The following CCSER1 variants were observed in gnomAD, a reference collection of about 807,000 sequenced individuals.
CCSER1 encodes coiled-coil serine rich protein 1.
CCSER1 carries 41 observed loss-of-function variants against 82.0 expected under a neutral mutation model. That is an observed-to-expected ratio of 0.50 (90% confidence interval 0.39 to 0.65). The LOEUF is 0.65. Ranked by LOEUF, CCSER1 falls within the 30% of genes least tolerant of loss-of-function variation. The pLI is 0.00. For synonymous variants in CCSER1, 414 were observed against 383.9 expected (o/e 1.08, Z -0.92); for missense variants, 1,119 against 1,064.2 (o/e 1.05, Z -0.72).
chr4:91,125,997 A>G (rs531537268), intron 10 of CCSER1, among the ~76,000 whole-genome samples: 2 of 151,886 alleles, frequency 1.3e-5, no homozygotes, highest in East Asian at 3.9e-4. Context: ...TACTGAATGT[A>G]TATTCCAATA....
At chr4:90,891,122 T>A (rs1466909836) in intron 8 of CCSER1, among the ~76,000 whole-genome samples, 1 of 151,842 alleles carries the variant, frequency 6.6e-6, no homozygotes, top group Non-Finnish European at 1.5e-5. Flanking sequence ...ATGTAATCTA[T>A]TTTGAGAGTG....
At chr4:90,999,097 G>A (rs556478952) in intron 9 of CCSER1, among the ~76,000 whole-genome samples, 7 of 152,278 alleles carry the variant, frequency 4.6e-5, no homozygotes, top group Admixed American at 1.3e-4. Flanking sequence ...ATTCCATGGT[G>A]TATATGTATC....
intron 7 of CCSER1, among the ~76,000 whole-genome samples, chr4:90,783,869 G>C (rs1754130011): frequency 6.6e-6 from 1 of 152,016 alleles, no homozygotes. Flanking sequence ...TAAGATTATA[G>C]AATGTTTTCC....
chr4:90,551,706 C>CTCTCTATATATATATA, intron 5 of CCSER1, among the ~76,000 whole-genome samples: 115 of 104,224 alleles, frequency 1.1e-3, no homozygotes, highest in Admixed American at 3.2e-3. Flanking sequence ...CTCTCTCTCT[C>CTCTCTATATATATATA]TATATATATA....
intron 3 of CCSER1, among the ~76,000 whole-genome samples, chr4:90,381,513 A>G (rs1749209472): frequency 1.3e-5 from 2 of 152,180 alleles, no homozygotes; most frequent in African/African-American, 4.8e-5. Context: ...ACAAATTTAT[A>G]TGTAACTATT....
At chr4:90,969,267 T>C (rs1214253783) in intron 9 of CCSER1, among the ~76,000 whole-genome samples, 1 of 151,932 alleles carries the variant, frequency 6.6e-6, no homozygotes, top group East Asian at 1.9e-4. Flanking sequence ...GTGCCAAATC[T>C]TGAGAGGGAT....
chr4:91,386,581 G>C (rs1452099049), intron 10 of CCSER1, among the ~76,000 whole-genome samples: 1 of 152,020 alleles, frequency 6.6e-6, no homozygotes, highest in Non-Finnish European at 1.5e-5. Flanking sequence ...ATAAGTCTAT[G>C]GGAAATTATG....
chr4:90,455,097 C>A (rs747889413), intron 4 of CCSER1, among the ~76,000 whole-genome samples: 49 of 152,196 alleles, frequency 3.2e-4, no homozygotes, highest in Admixed American at 7.2e-4. Context: ...AGGGCAGAAT[C>A]AATCCTACAA....
chr4:91,098,003 T>G (rs1007051742), intron 10 of CCSER1, among the ~76,000 whole-genome samples: 2 of 152,118 alleles, frequency 1.3e-5, no homozygotes, highest in Non-Finnish European at 2.9e-5. Context: ...GATACAAACC[T>G]CAGAGACTTA....
chr4:90,177,644 C>G (rs1215367200), intron 1 of CCSER1, among the ~76,000 whole-genome samples: 1 of 152,096 alleles, frequency 6.6e-6, no homozygotes, highest in Non-Finnish European at 1.5e-5. Flanking sequence ...AAAAATCACT[C>G]TGATGTTGGA....
chr4:91,105,583 A>C (rs181995643), intron 10 of CCSER1, among the ~76,000 whole-genome samples: 2 of 152,220 alleles, frequency 1.3e-5, no homozygotes, highest in East Asian at 3.9e-4. Flanking sequence ...GGATGCCTAT[A>C]GTCCCAGCTA....
At chr4:91,015,589 C>T (rs1159895698) in intron 9 of CCSER1, 2 of 151,334 alleles carry the variant, frequency 1.3e-5, no homozygotes, top group African/African-American at 4.8e-5. Context: ...TTTATAGTTG[C>T]TTTATTATTA....
chr4:91,311,198 A>T (rs1405542261), intron 10 of CCSER1, among the ~76,000 whole-genome samples: 2 of 151,966 alleles, frequency 1.3e-5, no homozygotes, highest in African/African-American at 4.8e-5. Flanking sequence ...CTGGCTAAAA[A>T]TTCTTTAACC....
chr4:91,357,942 A>G (rs1271320257), intron 10 of CCSER1, among the ~76,000 whole-genome samples: 2 of 99,390 alleles, frequency 2.0e-5, no homozygotes, highest in Non-Finnish European at 3.6e-5. Context: ...AACTTTCTTT[A>G]TGTCTTTGGG....
At chr4:91,422,438 T>C (rs574870093) in intron 10 of CCSER1, among the ~76,000 whole-genome samples, 44 of 152,284 alleles carry the variant, frequency 2.9e-4, no homozygotes, top group African/African-American at 1.0e-3. Context: ...TACTGCATTT[T>C]GTGTTGCCTT....
intron 1 of CCSER1, among the ~76,000 whole-genome samples, chr4:90,159,350 C>T (rs1170373091): frequency 6.6e-6 from 1 of 152,034 alleles, no homozygotes; most frequent in Non-Finnish European, 1.5e-5. Flanking sequence ...TGGCCCATTG[C>T]CAGGTTTTAT....
chr4:90,529,297 C>G (rs2153629402), intron 5 of CCSER1, among the ~76,000 whole-genome samples: 1 of 152,220 alleles, frequency 6.6e-6, no homozygotes, highest in South Asian at 2.1e-4. Context: ...TCACTGCAAA[C>G]TCCGACTCTC....
At chr4:91,250,567 T>TA (rs1161768173) in intron 10 of CCSER1, among the ~76,000 whole-genome samples, 1 of 151,616 alleles carries the variant, frequency 6.6e-6, no homozygotes, top group East Asian at 1.9e-4. Flanking sequence ...GCATGCAAAT[T>TA]AAAAAATATA....
At chr4:90,464,053 A>G (rs574078050) in intron 4 of CCSER1, among the ~76,000 whole-genome samples, 1 of 152,296 alleles carries the variant, frequency 6.6e-6, no homozygotes, top group South Asian at 2.1e-4. Flanking sequence ...TTTAATATGA[A>G]TCTGGAAGAA....
Sources: allele counts gnomAD v4.1 joint callset (sites outside exome capture counted in the v4.1 genomes callset), GRCh38; gene constraint gnomAD v4.1.1; transcripts MANE v1.5; gene names NCBI Gene and HGNC (gene_info 2026-07-23, HGNC 2026-07-21).